Variants in KLHL5 observed in about 807,000 individuals in gnomAD.
KLHL5 encodes the protein kelch like family member 5, also known as kelch-like protein 5.
KLHL5 carries 48 observed loss-of-function variants against 77.7 expected under a neutral mutation model. The ratio of observed to expected loss-of-function variants is 0.62; its 90% confidence interval spans 0.49 to 0.79. The LOEUF (loss-of-function observed/expected upper bound fraction) is 0.79. KLHL5 is among the 30% of genes least tolerant of loss of function. The pLI is 0.00. For missense variants in KLHL5, 723 were observed against 859.7 expected (o/e 0.84, Z 1.99); for synonymous variants, 260 against 297.0 (o/e 0.88, Z 1.28).
chr4:39,115,315 A>G lies in KLHL5; in HGVS notation c.2058A>G (p.Thr686=). The G allele has an allele frequency of 1.2e-6, 2 of 1,614,070 alleles. No homozygotes were observed. Among genetic ancestry groups the G allele is most frequent in the Non-Finnish European group, 1.7e-6 (2 of 1,179,964 alleles). ...CTGTGGAGGCTTATGATCCCCAGAC[A>G]AATGAGTGGACCCAGGTATGGCATT... ...LNTVEAYDPQ[T]NEWTQVAPLC... Residue 686 remains threonine (T), a synonymous_variant, in exon 10 of 11, where the codon ACA becomes ACG. Transcript: ENST00000504108.
At chr4:39,053,728 A>G (rs1716819966) in intron 1 of KLHL5, among the ~76,000 whole-genome samples, 1 of 152,254 alleles carries the variant, frequency 6.6e-6, no homozygotes, top group South Asian at 2.1e-4. Flanking sequence ...TAGTAGTATC[A>G]GCTGTAATAA....
intron 5 of KLHL5, among the ~76,000 whole-genome samples, chr4:39,092,178 G>A (rs561224055): frequency 1.3e-5 from 2 of 152,128 alleles, no homozygotes; most frequent in African/African-American, 4.8e-5. Flanking sequence ...TTGTAGCAGA[G>A]AAGGCATTTA....
chr4:39,047,607 C>T (rs150518477), intron 1 of KLHL5, among the ~76,000 whole-genome samples: 37 of 152,260 alleles, frequency 2.4e-4, no homozygotes, highest in Non-Finnish European at 4.1e-4. Flanking sequence ...TACTTTCCCC[C>T]GAATTCTTTC....
the KLHL5 span, among the ~76,000 whole-genome samples, chr4:39,140,571 A>G: frequency 1.3e-5 from 2 of 152,222 alleles, no homozygotes; most frequent in Admixed American, 6.5e-5. Context: ...AAAAAACAAA[A>G]ATAGGCCCAT....
rs372888059 is a variant in KLHL5, at chr4:39,076,123, G to A, written c.542G>A (p.Gly181Asp). 4 of 1,604,192 alleles carry A rather than the reference G, an allele frequency of 2.5e-6. No individual in the cohort carries two copies. The highest frequency in any genetic ancestry group is 1.7e-5 in the Admixed American group (1 of 57,152). The change falls in exon 2 of 11, where the codon GGT becomes GAT. Residue 181 changes from glycine to aspartate, a missense_variant. Transcript: ENST00000504108. ...KQLCDVILVA[G>D]DRRIPAHRLV... ...TTGTGTGATGTAATTTTAGTCGCTG[G>A]TGATCGCAGAATTCCAGCTCACAGG...
At chr4:39,129,840 T>C (rs1723729017), downstream of KLHL5, among the ~76,000 whole-genome samples, 1 of 152,200 alleles carries the variant, frequency 6.6e-6, no homozygotes, top group African/African-American at 2.4e-5. The surrounding 1 kb of genome is among the most constrained non-coding windows in gnomAD (Gnocchi z 4.2). Context: ...TACCAGATGA[T>C]TGGTCAGATC....
chr4:39,074,249 G>A (rs781767417), intron 1 of KLHL5, among the ~76,000 whole-genome samples: 7 of 152,132 alleles, frequency 4.6e-5, no homozygotes, highest in Non-Finnish European at 8.8e-5. Flanking sequence ...GCATTTATCT[G>A]ATGCCCATGT....
At chr4:39,142,927 T>C in the KLHL5 span, among the ~76,000 whole-genome samples, 1 of 152,122 alleles carries the variant, frequency 6.6e-6, no homozygotes, top group Non-Finnish European at 1.5e-5. Context: ...AGAGGATGAA[T>C]GTGGCTGTAG....
rs915911622 is a variant in KLHL5, at chr4:39,122,123, ATGT to A, written c.*1059_*1061del. On this transcript the variant is annotated 3_prime_UTR_variant, in exon 11 of 11. Coordinates refer to ENST00000504108, the MANE Select transcript of KLHL5 (RefSeq NM_015990.5). The stretch of plus-strand genomic sequence containing the variant: ...TTTTAAACTCTAATTACATATGTGA[ATGT>A]TATTACTCTCAGTGAATTGTTATTG... 18 of 152,772 alleles carry A rather than the reference ATGT, an allele frequency of 1.2e-4. No homozygotes were observed. Among genetic ancestry groups the A allele is most frequent in the African/African-American group, 4.3e-4 (18 of 41,584 alleles). 9.5% of individuals were successfully genotyped at this position (152,772 alleles called of 1,614,324 possible).
chr4:39,100,758 A>G (rs894810907), intron 6 of KLHL5, among the ~76,000 whole-genome samples: 1 of 152,148 alleles, frequency 6.6e-6, no homozygotes, highest in African/African-American at 2.4e-5. Flanking sequence ...ACTTTCTCTA[A>G]TCTGGCCCTT....
At chr4:39,092,492 A>G (rs919397872) in intron 5 of KLHL5, among the ~76,000 whole-genome samples, 15 of 152,218 alleles carry the variant, frequency 9.9e-5, no homozygotes, top group African/African-American at 2.7e-4. Flanking sequence ...AATTGTATAT[A>G]ATAGAATTAA....
At chr4:39,047,603 C>T (rs921223535) in intron 1 of KLHL5, among the ~76,000 whole-genome samples, 3 of 152,144 alleles carry the variant, frequency 2.0e-5, no homozygotes, top group African/African-American at 7.2e-5. Context: ...ACACTACTTT[C>T]CCCCGAATTC....
In KLHL5 at chr4:39,070,347, A is replaced by G. The variant is rs144696487; in HGVS notation, c.384-5618A>G. 4.3e-3 allele frequency among the ~76,000 whole-genome samples: 661 copies of G among 152,276 alleles called. 9 individuals carry two copies. The highest frequency in any genetic ancestry group is 0.014 in the African/African-American group (590 of 41,550). The stretch of plus-strand genomic sequence containing the variant: ...ACTACACAGTTCTCCAGGCCATTAA[A>G]TATTCTATATCTTTTCAAATGGCTC... On this transcript the variant is annotated intron_variant, in intron 1 of 10. Coordinates refer to ENST00000504108, the MANE Select transcript of KLHL5 (RefSeq NM_015990.5).
chr4:39,086,032 G>A (rs1266435048), intron 4 of KLHL5, among the ~76,000 whole-genome samples: 1 of 152,108 alleles, frequency 6.6e-6, no homozygotes, highest in Non-Finnish European at 1.5e-5. Context: ...ATGATTCTGG[G>A]AAATGTAGCC....
intron 1 of KLHL5, among the ~76,000 whole-genome samples, chr4:39,046,556 C>G (rs2089980788): frequency 6.6e-6 from 1 of 152,108 alleles, no homozygotes; most frequent in Non-Finnish European, 1.5e-5. Context: ...CAAGACCAGC[C>G]TGGGCAACAT....
chr4:39,090,357 T>A (rs1394089727), intron 5 of KLHL5, among the ~76,000 whole-genome samples: 3 of 152,144 alleles, frequency 2.0e-5, no homozygotes, highest in Non-Finnish European at 2.9e-5. Flanking sequence ...TACAGTAATT[T>A]TATCATCGTG....
chr4:39,044,941 G>A, upstream of KLHL5: 2 of 958,776 alleles, frequency 2.1e-6, no homozygotes, highest in Non-Finnish European at 2.4e-6. Flanking sequence ...CGGGCCGGCC[G>A]GCGCCGGGGA....
At chr4:39,091,592 T>A (rs1720555927) in intron 5 of KLHL5, among the ~76,000 whole-genome samples, 1 of 152,172 alleles carries the variant, frequency 6.6e-6, no homozygotes, top group Non-Finnish European at 1.5e-5. Context: ...AGTATTGTTT[T>A]CTACAGAAAG....
chr4:39,049,025 C>T (rs1716428358), intron 1 of KLHL5, among the ~76,000 whole-genome samples: 1 of 152,102 alleles, frequency 6.6e-6, no homozygotes, highest in South Asian at 2.1e-4. Flanking sequence ...CTTGACTACA[C>T]CCAACTTCAA....
Sources: gnomAD v4.1 joint callset for allele counts (sites outside exome capture counted in the v4.1 genomes callset) on GRCh38, gnomAD v4.1.1 for gene constraint, Gnocchi (gnomAD v3.1) non-coding constraint, MANE v1.5 for transcripts, NCBI Gene and HGNC (gene_info 2026-07-23, HGNC 2026-07-21) for gene names.